Variants in ZFP91 observed in about 807,000 individuals in gnomAD.
ZFP91 encodes the protein ZFP91 zinc finger protein, atypical E3 ubiquitin ligase.
ZFP91 carries 7 observed loss-of-function variants against 63.5 expected under a neutral mutation model. The observed-to-expected ratio is 0.11, with a 90% CI of 0.06 to 0.21. The LOEUF is 0.21. Ranked by LOEUF, ZFP91 falls within the 10% of genes least tolerant of loss-of-function variation. ZFP91 has a pLI of 1.00. For synonymous variants in ZFP91, 330 were observed against 272.1 expected, an observed-to-expected ratio of 1.21 and a Z score of -2.10; for missense variants, 628 against 736.6, an observed-to-expected ratio of 0.85 and a Z score of 1.71.
chr11:58,585,049 G>C (rs1272122722), intron 2 of ZFP91, among the ~76,000 whole-genome samples, 165 bp downstream of exon 2: 1 of 152,152 alleles, frequency 6.6e-6, no homozygotes, highest in East Asian at 1.9e-4. Context: ...TTGGATAATA[G>C]AGTATATTGG....
intron 2 of ZFP91, among the ~76,000 whole-genome samples, chr11:58,606,976 G>A (rs1855579194): frequency 6.6e-6 from 1 of 151,960 alleles, no homozygotes; most frequent in Non-Finnish European, 1.5e-5. Flanking sequence ...GGGGACGGGA[G>A]CAGTAGTATT....
chr11:58,612,480 G>T, intron 7 of ZFP91, 152 bp downstream of exon 7: 1 of 707,362 alleles, frequency 1.4e-6, no homozygotes, highest in South Asian at 2.0e-5. Context: ...CAGGTGTTAT[G>T]ATCTTATTTT....
intron 2 of ZFP91, among the ~76,000 whole-genome samples, chr11:58,595,790 T>A (rs1156888351): frequency 6.6e-6 from 1 of 152,120 alleles, no homozygotes; most frequent in African/African-American, 2.4e-5. Flanking sequence ...TTGGCGAGGC[T>A]GGTCTGGAAC....
rs557341875 is a variant in ZFP91, at chr11:58,618,338, C to T, written c.*632C>T. 9.7e-5 allele frequency: 19 copies of T among 196,272 alleles called. No individual in the cohort carries two copies. The highest frequency in any genetic ancestry group is 3.8e-4 in the African/African-American group (16 of 42,188). 12.2% of individuals were successfully genotyped at this position (196,272 alleles called of 1,614,324 possible). A position where few individuals can be genotyped will look rare whatever the true frequency, so the allele number is the denominator to read the frequency against. On this transcript the variant is annotated 3_prime_UTR_variant, in exon 11 of 11. Transcript: ENST00000316059. ...GGACCACCTCCCCCTTCTTTGATCCCAGCATCTCAGTCCCCCTCCCAACCC... is the reference window on the plus strand; with the variant it reads ...GGACCACCTCCCCCTTCTTTGATCCTAGCATCTCAGTCCCCCTCCCAACCC...
At chr11:58,591,533 A>G (rs1035998592) in intron 2 of ZFP91, among the ~76,000 whole-genome samples, 19 of 152,180 alleles carry the variant, frequency 1.2e-4, no homozygotes, top group Admixed American at 7.9e-4. Context: ...ACCTATCACA[A>G]TACAGTTTTA....
intron 2 of ZFP91, among the ~76,000 whole-genome samples, chr11:58,607,144 A>G (rs935591050): frequency 6.6e-6 from 1 of 152,138 alleles, no homozygotes; most frequent in Admixed American, 6.5e-5. Context: ...ACAGGAGGTT[A>G]TGGAGTGAGT....
At chr11:58,602,431 T>C (rs1427349472) in intron 2 of ZFP91, among the ~76,000 whole-genome samples, 1 of 151,794 alleles carries the variant, frequency 6.6e-6, no homozygotes, top group Non-Finnish European at 1.5e-5. Context: ...TGTTATATGT[T>C]GATATATCTC....
chr11:58,609,901 C>T lies in ZFP91; in HGVS notation c.442C>T (p.Pro148Ser), dbSNP rs750364702. 3 of 1,614,034 alleles carry T rather than the reference C, an allele frequency of 1.9e-6. No homozygotes were observed. Among genetic ancestry groups the T allele is most frequent in the Middle Eastern group, 1.6e-4 (1 of 6,084 alleles). Residue 148 changes from proline (P) to serine (S), a missense_variant, in exon 3 of 11, where the codon CCT becomes TCT. Pro to Ser is a moderately conservative substitution (Grantham distance 74). Around this residue, in one of 3 missense-constraint regions of ZFP91, gnomAD observed 437 missense variants for 380.3 expected, o/e 1.15. Coordinates refer to ENST00000316059, the MANE Select transcript of ZFP91 (RefSeq NM_053023.5). The part of the protein sequence containing the change: ...PQEVSIAASR[P>S]SRGWRSSRTS... ...GGAAGTTTCCATTGCTGCATCTAGA[C>T]CTAGCCGGGGCTGGCGTAGTAGTAG...
intron 2 of ZFP91, among the ~76,000 whole-genome samples, chr11:58,588,056 C>G (rs1259142026): frequency 1.3e-5 from 2 of 152,082 alleles, no homozygotes; most frequent in African/African-American, 4.8e-5. Flanking sequence ...CAGCGATTAC[C>G]TAACCTATTT....
Position 58,620,131 on chromosome 11 carries a change from T to C in ZFP91, c.*2425T>C, listed in dbSNP as rs985450404. On this transcript the variant is annotated 3_prime_UTR_variant, in exon 11 of 11. Coordinates refer to ENST00000316059, the MANE Select transcript of ZFP91 (RefSeq NM_053023.5). ...ACTTGCTGTACTTTTTCTTTTCTTTTAGGGGTCAAGGACCCTCTTTATAGC... is the reference window on the plus strand; with the variant it reads ...ACTTGCTGTACTTTTTCTTTTCTTTCAGGGGTCAAGGACCCTCTTTATAGC... 1.3e-5 allele frequency: 2 copies of C among 152,244 alleles called. No homozygotes were observed. Among genetic ancestry groups the C allele is most frequent in the African/African-American group, 4.8e-5 (2 of 41,466 alleles). 9.4% of individuals were successfully genotyped at this position (152,244 alleles called of 1,614,324 possible).
intron 1 of ZFP91, among the ~76,000 whole-genome samples, chr11:58,582,859 A>C (rs550467458): frequency 2.6e-5 from 4 of 152,180 alleles, no homozygotes; most frequent in Non-Finnish European, 5.9e-5. Context: ...TGAAGGGGAA[A>C]TAAAAATTTT....
chr11:58,601,638 C>G (rs1402997101), intron 2 of ZFP91, among the ~76,000 whole-genome samples: 2 of 150,390 alleles, frequency 1.3e-5, no homozygotes, highest in Non-Finnish European at 3.0e-5. Flanking sequence ...TTAATGTAGG[C>G]ATTTATATCT....
At chr11:58,589,692 CTG>C (rs991295803) in intron 2 of ZFP91, among the ~76,000 whole-genome samples, 2 of 152,204 alleles carry the variant, frequency 1.3e-5, no homozygotes, top group African/African-American at 4.8e-5. Flanking sequence ...GTAGCAGTAA[CTG>C]TATTATTTCT....
rs886666435 is a variant in ZFP91, at chr11:58,584,898, A to G, written c.370+14A>G. On this transcript the variant is annotated intron_variant, in intron 2 of 10. Coordinates refer to ENST00000316059, the MANE Select transcript of ZFP91 (RefSeq NM_053023.5). ...CAACTGATAAAGGTAAGACTTGGTC[A>G]TCCTTACCTCTAGCGTACATTACAC... The G allele has an allele frequency of 7.9e-6, 12 of 1,513,690 alleles. No individual in the cohort carries two copies. Among genetic ancestry groups the G allele is most frequent in the Non-Finnish European group, 1.1e-5 (12 of 1,139,752 alleles). The allele number at this position is 1,513,690 out of a possible 1,614,324, so 93.8% of individuals were successfully genotyped here.
chr11:58,614,728 G>A (rs550408652), intron 9 of ZFP91, among the ~76,000 whole-genome samples: 42 of 152,210 alleles, frequency 2.8e-4, no homozygotes, highest in Admixed American at 2.5e-3. Flanking sequence ...ACCTGCCCAT[G>A]GTCACATAGC....
chr11:58,588,359 A>T (rs1855246823), intron 2 of ZFP91, among the ~76,000 whole-genome samples: 1 of 152,144 alleles, frequency 6.6e-6, no homozygotes, highest in Non-Finnish European at 1.5e-5. Context: ...TTAAGTATTT[A>T]CCTTACCTAG....
chr11:58,582,427 C>T (rs985464055), intron 1 of ZFP91, among the ~76,000 whole-genome samples: 2 of 152,156 alleles, frequency 1.3e-5, no homozygotes, highest in African/African-American at 2.4e-5. Context: ...TACTTGTTCG[C>T]GCTAGTCCTT....
rs1185455972 is a variant in ZFP91, at chr11:58,579,380, C to A, written c.99C>A (p.Pro33=). The A allele has an allele frequency of 6.1e-6, 9 of 1,484,430 alleles. No homozygotes were observed. Among genetic ancestry groups the A allele is most frequent in the Non-Finnish European group, 8.0e-6 (9 of 1,123,024 alleles). The allele number at this position is 1,484,430 out of a possible 1,614,324, so 92.0% of individuals were successfully genotyped here. A position where few individuals can be genotyped will look rare whatever the true frequency, so the allele number is the denominator to read the frequency against. Residue 33 remains proline (P), a synonymous_variant, in exon 1 of 11, where the codon CCC becomes CCA. Coordinates refer to ENST00000316059, the MANE Select transcript of ZFP91 (RefSeq NM_053023.5). ...CTCCGGAGGAGCCCCAACAACGGCC[C>A]CCTGAGGCGGTCGCGGCGGCGCCTG... ...KAAPEEPQQR[P]PEAVAAAPAG... is the part of the protein sequence containing the mutation.
chr11:58,608,110 G>GT (rs1855598181), intron 2 of ZFP91, among the ~76,000 whole-genome samples: 1 of 151,680 alleles, frequency 6.6e-6, no homozygotes, highest in African/African-American at 2.4e-5. Flanking sequence ...AATGACTAAT[G>GT]TGTAGCACTG....
Sources: allele counts gnomAD v4.1 joint callset (sites outside exome capture counted in the v4.1 genomes callset), GRCh38; gene constraint gnomAD v4.1.1; regional missense constraint gnomAD v4.1.1; transcripts MANE v1.5; gene names NCBI Gene and HGNC (gene_info 2026-07-23, HGNC 2026-07-21).